Variants in DIAPH3 observed in about 807,000 individuals in gnomAD.
The protein encoded by DIAPH3 is diaphanous related formin 3.
In DIAPH3, 117 loss-of-function variants were observed where a neutral mutation model predicts 144.3. That is an observed-to-expected ratio of 0.81 (90% CI 0.70 to 0.95). The LOEUF (loss-of-function observed/expected upper bound fraction) is 0.95. Ranked by LOEUF, DIAPH3 falls within the 40% of genes least tolerant of loss-of-function variation. The probability of loss-of-function intolerance (pLI) is 0.00; values close to 1 mark genes in which losing one functional copy is unlikely to be tolerated. For synonymous variants in DIAPH3, 519 were observed against 488.9 expected (o/e 1.06, Z -0.81); for missense variants, 1,421 against 1,412.7 (o/e 1.01, Z -0.09).
chr13:60,008,742 A>C, intron 8 of DIAPH3, 93 bp from the exon 9 acceptor site: 1 of 796,060 alleles, frequency 1.3e-6, no homozygotes. Flanking sequence ...CAATACCCTA[A>C]GCAGCCAATA....
intron 1 of DIAPH3, among the ~76,000 whole-genome samples, chr13:60,159,954 G>A (rs904953213): frequency 4.6e-5 from 7 of 152,072 alleles, no homozygotes; most frequent in African/African-American, 7.2e-5. Flanking sequence ...GGCCAGGCGC[G>A]GTGGCTCACG....
intron 25 of DIAPH3, among the ~76,000 whole-genome samples, chr13:59,788,798 C>T (rs1292261439): frequency 6.6e-6 from 1 of 152,150 alleles, no homozygotes; most frequent in Non-Finnish European, 1.5e-5. Context: ...CTTTCTATGA[C>T]CACTTATGGC....
chr13:59,884,566 A>T (rs1346807545), intron 20 of DIAPH3, among the ~76,000 whole-genome samples: 4 of 152,184 alleles, frequency 2.6e-5, no homozygotes, highest in Non-Finnish European at 5.9e-5. Flanking sequence ...AGAATGTGAA[A>T]AAACAAATGC....
chr13:60,101,248 A>C (rs1335235625), intron 3 of DIAPH3, among the ~76,000 whole-genome samples: 1 of 152,192 alleles, frequency 6.6e-6, no homozygotes, highest in African/African-American at 2.4e-5. Flanking sequence ...ACTTAGATTT[A>C]AACTCTGTTC....
At chr13:60,121,894 TTCTC>T (rs369869245) in intron 2 of DIAPH3, among the ~76,000 whole-genome samples, 267 of 152,274 alleles carry the variant, frequency 1.8e-3, no homozygotes, top group African/African-American at 6.0e-3. Flanking sequence ...TTTATTCATC[TTCTC>T]TCTGTCTCTA....
At chr13:60,056,638 G>A (rs553846455) in intron 4 of DIAPH3, among the ~76,000 whole-genome samples, 1 of 151,938 alleles carries the variant, frequency 6.6e-6, no homozygotes, top group South Asian at 2.1e-4. Flanking sequence ...TTGGAGAAAT[G>A]TCTGACTCCA....
At chr13:59,851,275 C>T (rs1046632504) in intron 22 of DIAPH3, among the ~76,000 whole-genome samples, 5 of 152,202 alleles carry the variant, frequency 3.3e-5, no homozygotes, top group Non-Finnish European at 4.4e-5. Context: ...TCTCCCTCTG[C>T]TCCAGTCTCA....
At chr13:59,766,355 C>G (rs1404663786) in intron 27 of DIAPH3, among the ~76,000 whole-genome samples, 1 of 152,188 alleles carries the variant, frequency 6.6e-6, no homozygotes, top group East Asian at 1.9e-4. Flanking sequence ...TCCCTGATCA[C>G]TTTCTTCTGA....
At chr13:60,028,894 A>C (rs995281859) in intron 5 of DIAPH3, among the ~76,000 whole-genome samples, 1 of 152,014 alleles carries the variant, frequency 6.6e-6, no homozygotes, top group Admixed American at 6.6e-5. Flanking sequence ...CCCCATCTCT[A>C]CTAAAAATAC....
intron 27 of DIAPH3, among the ~76,000 whole-genome samples, chr13:59,720,040 G>A (rs989826046): frequency 6.6e-6 from 1 of 152,152 alleles, no homozygotes; most frequent in Non-Finnish European, 1.5e-5. Context: ...TCTGAGAAAT[G>A]CGTCACTGTG....
intron 23 of DIAPH3, among the ~76,000 whole-genome samples, chr13:59,836,429 A>G (rs894976662): frequency 6.6e-6 from 1 of 151,842 alleles, no homozygotes. Flanking sequence ...ATTCTAATTA[A>G]GGCTCTGACT....
intron 25 of DIAPH3, among the ~76,000 whole-genome samples, chr13:59,800,995 T>C (rs571583809): frequency 3.9e-4 from 59 of 152,156 alleles, no homozygotes; most frequent in Non-Finnish European, 7.8e-4. Flanking sequence ...TAGTGTTCCA[T>C]ATCAAACCAT....
intron 2 of DIAPH3, among the ~76,000 whole-genome samples, chr13:60,121,766 G>A (rs2058850935): frequency 6.6e-6 from 1 of 152,136 alleles, no homozygotes; most frequent in African/African-American, 2.4e-5. Context: ...AAGCAAAGGG[G>A]TGATTACTGA....
At chr13:60,115,708 T>C (rs542560790) in intron 2 of DIAPH3, among the ~76,000 whole-genome samples, 52 of 152,300 alleles carry the variant, frequency 3.4e-4, no homozygotes, top group African/African-American at 1.1e-3. Flanking sequence ...AAATGTTTTA[T>C]GGTATTAAGT....
intron 3 of DIAPH3, among the ~76,000 whole-genome samples, chr13:60,102,843 T>C (rs2058310844): frequency 6.6e-6 from 1 of 152,146 alleles, no homozygotes; most frequent in African/African-American, 2.4e-5. Flanking sequence ...CACTTCATCA[T>C]CTATTCCAAA....
At chr13:60,077,150 T>C (rs2057406087) in intron 4 of DIAPH3, among the ~76,000 whole-genome samples, 1 of 152,110 alleles carries the variant, frequency 6.6e-6, no homozygotes. Context: ...CAAGTTATCT[T>C]AGAATTTCTA....
In DIAPH3 at chr13:60,150,539, A is replaced by G. The variant is rs546925622; in HGVS notation, c.180+13048T>C. 2.0e-4 allele frequency among the ~76,000 whole-genome samples: 31 copies of G among 152,278 alleles called. 1 individual carries two copies. Among genetic ancestry groups the G allele is most frequent in the East Asian group, 1.5e-3 (8 of 5,178 alleles). ...CAAAATAACAGTAGGGAGAGTGCCC[A>G]TTTCAAAGTACTGTGTGAGGGATAA... On this transcript the variant is annotated intron_variant, in intron 1 of 27. Coordinates refer to ENST00000400324, the MANE Select transcript of DIAPH3 (RefSeq NM_001042517.2).
chr13:60,052,886 G>A (rs1439896729), intron 4 of DIAPH3, among the ~76,000 whole-genome samples: 2 of 139,842 alleles, frequency 1.4e-5, no homozygotes, highest in Admixed American at 7.7e-5. Flanking sequence ...ACTTGAACCC[G>A]GGAGGCAGAG....
intron 24 of DIAPH3, among the ~76,000 whole-genome samples, chr13:59,814,457 C>A (rs916058722): frequency 2.0e-5 from 3 of 152,050 alleles, no homozygotes; most frequent in Non-Finnish European, 2.9e-5. Flanking sequence ...CAATAGAGAG[C>A]ACAGAAATAG....
Sources: allele counts gnomAD v4.1 joint callset (sites outside exome capture counted in the v4.1 genomes callset), GRCh38; gene constraint gnomAD v4.1.1; transcripts MANE v1.5; gene names NCBI Gene and HGNC (gene_info 2026-07-23, HGNC 2026-07-21).